The following CPA6 variants were observed in gnomAD, a reference collection of about 807,000 sequenced individuals.
CPA6 encodes carboxypeptidase A6.
In CPA6, 58 loss-of-function variants were observed where a neutral mutation model predicts 63.3. That is an observed-to-expected ratio of 0.92 (90% CI 0.74 to 1.14). The LOEUF (loss-of-function observed/expected upper bound fraction) is 1.14, where lower values mean the gene tolerates loss of function less well. Among genes scored for constraint, CPA6 ranks in the 50% most tolerant of loss-of-function variants. The pLI is 0.00. For synonymous variants in CPA6, 185 were observed against 179.0 expected (o/e 1.03, Z -0.27); for missense variants, 565 against 526.6 (o/e 1.07, Z -0.71).
At chr8:67,621,543 C>T (rs1351489638) in intron 2 of CPA6, among the ~76,000 whole-genome samples, 1 of 152,190 alleles carries the variant, frequency 6.6e-6, no homozygotes, top group Non-Finnish European at 1.5e-5. Flanking sequence ...ATGTTCCAAT[C>T]CCATACTGTG....
chr8:67,463,077 G>C (rs542791838), intron 8 of CPA6, among the ~76,000 whole-genome samples: 2 of 152,170 alleles, frequency 1.3e-5, no homozygotes, highest in East Asian at 3.9e-4. Flanking sequence ...TTGGTTATTT[G>C]GCTAACCACT....
intron 8 of CPA6, among the ~76,000 whole-genome samples, chr8:67,440,869 T>G (rs144597493): frequency 2.0e-5 from 3 of 152,336 alleles, no homozygotes; most frequent in South Asian, 2.1e-4. Flanking sequence ...GGTGCATGAC[T>G]GTACTCCATT....
At chr8:67,471,476 C>A (rs1215538962) in intron 8 of CPA6, among the ~76,000 whole-genome samples, 1 of 151,944 alleles carries the variant, frequency 6.6e-6, no homozygotes. Context: ...AAATCCCTTT[C>A]TCTTACATAT....
At chr8:67,456,719 G>A (rs1810684757) in intron 8 of CPA6, among the ~76,000 whole-genome samples, 1 of 152,208 alleles carries the variant, frequency 6.6e-6, no homozygotes, top group African/African-American at 2.4e-5. Context: ...AACTGTGACT[G>A]TTAAATGGAA....
chr8:67,528,866 T>C (rs1291419747), intron 2 of CPA6, among the ~76,000 whole-genome samples: 1 of 152,000 alleles, frequency 6.6e-6, no homozygotes, highest in Admixed American at 6.5e-5. Flanking sequence ...GCCTGATCTT[T>C]AAGATATGTA....
chr8:67,684,207 T>A (rs1372641069), intron 1 of CPA6, among the ~76,000 whole-genome samples: 1 of 151,658 alleles, frequency 6.6e-6, no homozygotes, highest in Non-Finnish European at 1.5e-5. Flanking sequence ...TCTTAAAATT[T>A]AATTTTTCCT....
intron 1 of CPA6, among the ~76,000 whole-genome samples, chr8:67,713,219 C>T (rs554857007): frequency 4.0e-5 from 6 of 148,552 alleles, no homozygotes; most frequent in Non-Finnish European, 7.4e-5. Context: ...CAAGGGAGGA[C>T]TACTGTACCT....
chr8:67,714,995 G>A (rs1267294473), intron 1 of CPA6, among the ~76,000 whole-genome samples: 1 of 152,164 alleles, frequency 6.6e-6, no homozygotes, highest in African/African-American at 2.4e-5. Flanking sequence ...CACCTCCCTT[G>A]GAATGAGATC....
chr8:67,508,536 G>A (rs1587504319), intron 5 of CPA6, among the ~76,000 whole-genome samples: 1 of 152,090 alleles, frequency 6.6e-6, no homozygotes, highest in East Asian at 1.9e-4. Flanking sequence ...GTAAGGCTGA[G>A]GATAGATTCT....
Position 67,676,988 on chromosome 8 carries a change from C to T in CPA6, c.117-52737G>A, listed in dbSNP as rs187489048. Among the ~76,000 whole-genome samples the T allele has an allele frequency of 3.3e-5, 5 of 152,224 alleles. No homozygotes were observed. In the East Asian group the frequency reaches 9.7e-4, roughly 29 times the overall value. ...CACATACTCTGTGTTTGCATATATGCCATGTGTGTCTGTGTGTGTATGCAT... is the reference window on the plus strand; with the variant it reads ...CACATACTCTGTGTTTGCATATATGTCATGTGTGTCTGTGTGTGTATGCAT... On this transcript the variant is annotated intron_variant, in intron 1 of 10. Transcript: ENST00000297770.
In CPA6 at chr8:67,634,086, C is replaced by A. The variant is rs984167329; in HGVS notation, c.117-9835G>T. On this transcript the variant is annotated intron_variant, in intron 1 of 10. Transcript: ENST00000297770. ...AGACGGAATTGAATTAAAATGACATCATTAGGGTGTTTTTCCTAATCCACT... is the reference window on the plus strand; with the variant it reads ...AGACGGAATTGAATTAAAATGACATAATTAGGGTGTTTTTCCTAATCCACT... 1.1e-4 allele frequency among the ~76,000 whole-genome samples: 16 copies of A among 146,866 alleles called. 1 individual carries two copies. The highest frequency in any genetic ancestry group is 4.4e-4 in the African/African-American group (16 of 36,630).
chr8:67,463,247 C>A (rs1162007651), intron 8 of CPA6, among the ~76,000 whole-genome samples: 1 of 151,992 alleles, frequency 6.6e-6, no homozygotes, highest in African/African-American at 2.4e-5. Flanking sequence ...AGTTCGAGAC[C>A]AGCCTGGCCA....
intron 8 of CPA6, among the ~76,000 whole-genome samples, chr8:67,473,082 C>T (rs930643604): frequency 6.6e-6 from 1 of 152,256 alleles, no homozygotes; most frequent in South Asian, 2.1e-4. Context: ...TTAAGAGCAA[C>T]TTAACAAAAG....
At chr8:67,442,207 T>C (rs1810309279) in intron 8 of CPA6, among the ~76,000 whole-genome samples, 1 of 152,144 alleles carries the variant, frequency 6.6e-6, no homozygotes, top group South Asian at 2.1e-4. Context: ...ACTTCTGTTC[T>C]AGATGCTATG....
At chr8:67,525,753 C>G (rs908516322) in intron 2 of CPA6, among the ~76,000 whole-genome samples, 1 of 152,158 alleles carries the variant, frequency 6.6e-6, no homozygotes, top group African/African-American at 2.4e-5. Context: ...AGGTCATTAT[C>G]TTAAATGAAA....
At position 67,656,476 on chromosome 8, in the gene CPA6, C is replaced by T. The variant is rs541098211; in HGVS notation, c.117-32225G>A. Among the ~76,000 whole-genome samples the T allele has an allele frequency of 2.0e-5, 3 of 152,246 alleles. No individual in the cohort carries two copies. The East Asian group carries it at 5.8e-4, about 29-fold the overall frequency. Reference sequence around the variant, plus strand: ...CTTCTAATTTAAGGCTCATGGAGCACAGATCATGACAAAGAACTCAGAGGA... The same window carrying T: ...CTTCTAATTTAAGGCTCATGGAGCATAGATCATGACAAAGAACTCAGAGGA... On this transcript the variant is annotated intron_variant, in intron 1 of 10. Transcript: ENST00000297770.
chr8:67,711,478 T>G (rs1177166729), intron 1 of CPA6, among the ~76,000 whole-genome samples: 7 of 152,132 alleles, frequency 4.6e-5, no homozygotes, highest in Admixed American at 4.6e-4. Context: ...GGGCTGGTGA[T>G]GAAATTAAGA....
intron 2 of CPA6, among the ~76,000 whole-genome samples, chr8:67,593,765 G>A (rs1049839204): frequency 3.0e-4 from 45 of 147,674 alleles, no homozygotes; most frequent in African/African-American, 1.1e-3. Flanking sequence ...CTTTTATTTT[G>A]AGCCTATGTG....
At position 67,629,479 on chromosome 8, in the gene CPA6, CAAA is replaced by C. The variant is rs34412333; in HGVS notation, c.117-5231_117-5229del. Reference sequence around the variant, plus strand: ...TGGGTGACATAATGAGACCCTGTCTCAAAAAAAAAAAAAAAAAATAAGACCCAA... The same window carrying C: ...TGGGTGACATAATGAGACCCTGTCTCAAAAAAAAAAAAAAATAAGACCCAA... On this transcript the variant is annotated intron_variant, in intron 1 of 10. Coordinates refer to ENST00000297770, the MANE Select transcript of CPA6 (RefSeq NM_020361.5). Among the ~76,000 whole-genome samples, 111 of 94,014 alleles carry C rather than the reference CAAA, an allele frequency of 1.2e-3. 1 individual carries two copies. The highest frequency in any genetic ancestry group is 3.5e-3 in the African/African-American group (98 of 27,710). The allele number at this position is 94,014 out of a possible 152,430, so 61.7% of individuals were successfully genotyped here. A position where few individuals can be genotyped will look rare whatever the true frequency, so the allele number is the denominator to read the frequency against.
Sources: allele counts gnomAD v4.1 joint callset (sites outside exome capture counted in the v4.1 genomes callset), GRCh38; gene constraint gnomAD v4.1.1; transcripts MANE v1.5; gene names NCBI Gene and HGNC (gene_info 2026-07-23, HGNC 2026-07-21).